Variants in REC114 observed in about 807,000 individuals in gnomAD.
REC114 encodes REC114 meiotic recombination protein.
A neutral mutation model predicts 31.3 loss-of-function variants in REC114; 27 were observed. The ratio of observed to expected loss-of-function variants is 0.86; its 90% CI spans 0.64 to 1.19. The LOEUF (loss-of-function observed/expected upper bound fraction) is 1.19. REC114 is among the 50% of genes most tolerant of loss of function. The probability of loss-of-function intolerance (pLI) is 0.00; values close to 1 mark genes in which losing one functional copy is unlikely to be tolerated. For synonymous variants in REC114, 134 were observed against 127.7 expected (o/e 1.05, Z -0.33); for missense variants, 344 against 326.9 (o/e 1.05, Z -0.40).
intron 2 of REC114, among the ~76,000 whole-genome samples, chr15:73,500,048 T>A (rs1294673962): frequency 6.6e-6 from 1 of 152,086 alleles, no homozygotes; most frequent in Non-Finnish European, 1.5e-5. Context: ...TTTTTCCAAC[T>A]CAGTCTTCAC....
intron 2 of REC114, among the ~76,000 whole-genome samples, chr15:73,489,320 C>G (rs1033799950): frequency 2.0e-5 from 3 of 151,556 alleles, no homozygotes; most frequent in Admixed American, 6.6e-5. Context: ...TCTCCTGCCT[C>G]GGCCTCCTGA....
At chr15:73,520,012 GT>G (rs1044694652) in intron 2 of REC114, among the ~76,000 whole-genome samples, 2 of 151,878 alleles carry the variant, frequency 1.3e-5, no homozygotes, top group African/African-American at 4.8e-5. Flanking sequence ...TAGAATATTA[GT>G]TTTTTTTGCA....
intron 2 of REC114, among the ~76,000 whole-genome samples, chr15:73,507,024 C>T (rs1019484548): frequency 3.0e-4 from 46 of 151,958 alleles, no homozygotes; most frequent in African/African-American, 1.1e-3. Context: ...AAGCTTGCTA[C>T]ATAAAAAAAT....
intron 2 of REC114, among the ~76,000 whole-genome samples, chr15:73,492,894 C>T (rs557762926): frequency 6.6e-6 from 1 of 152,184 alleles, no homozygotes; most frequent in Non-Finnish European, 1.5e-5. Context: ...GTTTATTGGC[C>T]AGCTGGATAT....
chr15:73,455,398 A>AT (rs1185554154), intron 1 of REC114, among the ~76,000 whole-genome samples: 32 of 152,056 alleles, frequency 2.1e-4, no homozygotes, highest in East Asian at 1.9e-3. Context: ...GAGTTCTTTG[A>AT]TTTTTTCTGA....
At chr15:73,492,794 A>C (rs990334841) in intron 2 of REC114, among the ~76,000 whole-genome samples, 1 of 152,110 alleles carries the variant, frequency 6.6e-6, no homozygotes, top group Non-Finnish European at 1.5e-5. Context: ...ATTCTTGGCT[A>C]TACATTCCTG....
chr15:73,500,782 T>C (rs1893594526), intron 2 of REC114, among the ~76,000 whole-genome samples: 1 of 149,858 alleles, frequency 6.7e-6, no homozygotes, highest in South Asian at 2.2e-4. Flanking sequence ...ATTACCCAAA[T>C]TGCAAAACTG....
chr15:73,544,170 T>C (rs187478420), intron 3 of REC114, among the ~76,000 whole-genome samples: 1 of 152,248 alleles, frequency 6.6e-6, no homozygotes, highest in Admixed American at 6.5e-5. Flanking sequence ...GTTTATTTAA[T>C]ACCTTTATCA....
intron 2 of REC114, among the ~76,000 whole-genome samples, chr15:73,499,582 T>C (rs1893576567): frequency 1.3e-5 from 2 of 152,190 alleles, no homozygotes; most frequent in South Asian, 4.1e-4. Context: ...ATCACTTTCT[T>C]TAGTCTCTTA....
At chr15:73,474,282 A>C (rs1160601670) in intron 2 of REC114, among the ~76,000 whole-genome samples, 1 of 152,228 alleles carries the variant, frequency 6.6e-6, no homozygotes, top group Non-Finnish European at 1.5e-5. Flanking sequence ...ATTTGCAGAA[A>C]TAAAGAAAAC....
At chr15:73,470,782 A>G (rs927237158) in intron 1 of REC114, among the ~76,000 whole-genome samples, 6 of 152,122 alleles carry the variant, frequency 3.9e-5, no homozygotes, top group African/African-American at 1.5e-4. Flanking sequence ...GATGGTTAGG[A>G]AAAGTTTTAC....
At chr15:73,486,041 A>G (rs1893360132) in intron 2 of REC114, among the ~76,000 whole-genome samples, 1 of 152,206 alleles carries the variant, frequency 6.6e-6, no homozygotes, top group African/African-American at 2.4e-5. Context: ...ACTTGCTTGC[A>G]AATTTGCTGA....
chr15:73,559,947 T>C lies in REC114; in HGVS notation c.*31T>C, dbSNP rs772034119. ...TATATACATATATAACTAAGGAACTTCAAAGTATTGAAAAATGCTTCCTCC... is the reference window on the plus strand; with the variant it reads ...TATATACATATATAACTAAGGAACTCCAAAGTATTGAAAAATGCTTCCTCC... On this transcript the variant is annotated 3_prime_UTR_variant, in exon 6 of 6. Coordinates refer to ENST00000331090, the MANE Select transcript of REC114 (RefSeq NM_001042367.2). The C allele has an allele frequency of 4.6e-6, 7 of 1,525,460 alleles. No individual in the cohort carries two copies. The highest frequency in any genetic ancestry group is 4.9e-5 in the East Asian group (2 of 40,894). 94.5% of individuals were successfully genotyped at this position (1,525,460 alleles called of 1,614,324 possible).
intron 1 of REC114, among the ~76,000 whole-genome samples, chr15:73,446,575 GGTTGCA>G (rs954604884): frequency 6.6e-5 from 10 of 152,046 alleles, no homozygotes; most frequent in Admixed American, 6.6e-4. Flanking sequence ...GGGAGGCTGA[GGTTGCA>G]GTGAGCTGAG....
chr15:73,486,516 T>C (rs1893366653), intron 2 of REC114, among the ~76,000 whole-genome samples: 1 of 152,190 alleles, frequency 6.6e-6, no homozygotes. Context: ...GGGCTCAATT[T>C]GTCAGCAGGG....
chr15:73,473,126 A>T (rs1406969232), intron 1 of REC114, among the ~76,000 whole-genome samples: 1 of 152,328 alleles, frequency 6.6e-6, no homozygotes, highest in Non-Finnish European at 1.5e-5. Flanking sequence ...GCGATGGCTC[A>T]CGCCTGTAAT....
At chr15:73,516,389 A>G (rs1893858511) in intron 2 of REC114, among the ~76,000 whole-genome samples, 1 of 152,160 alleles carries the variant, frequency 6.6e-6, no homozygotes, top group Non-Finnish European at 1.5e-5. Context: ...ATAACCCACC[A>G]AGAACTTTTA....
At chr15:73,526,019 A>G (rs1329551435) in intron 2 of REC114, among the ~76,000 whole-genome samples, 1 of 152,170 alleles carries the variant, frequency 6.6e-6, no homozygotes, top group Non-Finnish European at 1.5e-5. Context: ...GTTATTGGGT[A>G]CAAGCACATT....
intron 2 of REC114, among the ~76,000 whole-genome samples, chr15:73,538,102 T>A (rs1894183841): frequency 6.6e-6 from 1 of 152,076 alleles, no homozygotes; most frequent in Non-Finnish European, 1.5e-5. Context: ...ATTTTAAATT[T>A]AATTTAATTT....
Sources: gnomAD v4.1 joint callset for allele counts (sites outside exome capture counted in the v4.1 genomes callset) on GRCh38, gnomAD v4.1.1 for gene constraint, MANE v1.5 for transcripts, NCBI Gene and HGNC (gene_info 2026-07-23, HGNC 2026-07-21) for gene names.